Variants in IFTAP observed in about 807,000 individuals in gnomAD.
IFTAP encodes intraflagellar transport associated protein, also known as intraflagellar transport-associated protein.
In IFTAP, 19 loss-of-function variants were observed where a neutral mutation model predicts 19.4. The observed-to-expected ratio is 0.98, with a 90% confidence interval of 0.68 to 1.44. The LOEUF (loss-of-function observed/expected upper bound fraction) is 1.44, where lower values mean the gene tolerates loss of function less well. IFTAP is among the 40% of genes most tolerant of loss of function. IFTAP has a pLI of 0.00. For synonymous variants in IFTAP, 85 were observed against 83.5 expected (o/e 1.02, Z -0.10); for missense variants, 240 against 253.6 (o/e 0.95, Z 0.36).
At chr11:36,619,466 A>G (rs985138290) in intron 2 of IFTAP, among the ~76,000 whole-genome samples, 3 of 152,072 alleles carry the variant, frequency 2.0e-5, no homozygotes, top group African/African-American at 7.2e-5. Context: ...AGAGAAAAAT[A>G]TAGAAAGCAG....
chr11:36,644,732 A>C (rs1165863423), intron 4 of IFTAP, among the ~76,000 whole-genome samples: 1 of 151,860 alleles, frequency 6.6e-6, no homozygotes, highest in East Asian at 1.9e-4. Flanking sequence ...CATCATTCTC[A>C]GCAAACTATC....
intron 1 of IFTAP, among the ~76,000 whole-genome samples, chr11:36,602,841 A>C (rs995141354): frequency 2.6e-5 from 4 of 151,136 alleles, no homozygotes; most frequent in African/African-American, 7.3e-5. Flanking sequence ...TAAAAAAAAA[A>C]CAAGCAAAAA....
chr11:36,610,731 G>C (rs2133378515), intron 2 of IFTAP, among the ~76,000 whole-genome samples: 1 of 152,202 alleles, frequency 6.6e-6, no homozygotes, highest in South Asian at 2.1e-4. Flanking sequence ...AACGTTAATT[G>C]AGATAATCCA....
At chr11:36,636,863 G>C (rs2133467964) in intron 4 of IFTAP, among the ~76,000 whole-genome samples, 1 of 151,572 alleles carries the variant, frequency 6.6e-6, no homozygotes, top group East Asian at 1.9e-4. Flanking sequence ...AACATTTCTG[G>C]ATAGGCATAG....
At chr11:36,647,281 G>T (rs1051506370) in intron 4 of IFTAP, among the ~76,000 whole-genome samples, 34 of 152,060 alleles carry the variant, frequency 2.2e-4, no homozygotes, top group Non-Finnish European at 1.9e-4. Flanking sequence ...AACCTGTTCT[G>T]CTTCTAATTG....
At chr11:36,630,857 C>T (rs1438577797) in intron 2 of IFTAP, among the ~76,000 whole-genome samples, 2 of 151,336 alleles carry the variant, frequency 1.3e-5, no homozygotes, top group African/African-American at 2.5e-5. Flanking sequence ...TGAGGCATGG[C>T]AGTAGCCACA....
At chr11:36,652,081 C>A (rs928611976) in intron 5 of IFTAP, among the ~76,000 whole-genome samples, 2 of 152,036 alleles carry the variant, frequency 1.3e-5, no homozygotes. Context: ...TTTTCCAATT[C>A]TGTGAAGAAA....
intron 2 of IFTAP, 70 bp from the exon 3 acceptor site, chr11:36,633,214 C>G: frequency 1.5e-6 from 2 of 1,301,368 alleles, no homozygotes; most frequent in Non-Finnish European, 2.0e-6. Flanking sequence ...GAAACTTTCT[C>G]AATATACACA....
At chr11:36,633,922 T>C (rs1852829552) in intron 3 of IFTAP, among the ~76,000 whole-genome samples, 1 of 152,164 alleles carries the variant, frequency 6.6e-6, no homozygotes, top group Non-Finnish European at 1.5e-5. Flanking sequence ...TCCTCAGCTA[T>C]GATTTTTAAT....
intron 1 of IFTAP, chr11:36,595,322 C>T (rs1652094821): frequency 6.6e-6 from 1 of 152,122 alleles, no homozygotes; most frequent in Admixed American, 6.5e-5. Flanking sequence ...TTCAGAATTT[C>T]ATACTTGTGT....
intron 5 of IFTAP, among the ~76,000 whole-genome samples, chr11:36,650,354 A>G (rs1169734421): frequency 1.3e-5 from 2 of 151,954 alleles, no homozygotes; most frequent in Non-Finnish European, 2.9e-5. Context: ...GACCAACTCA[A>G]TGTTTTACCT....
intron 4 of IFTAP, among the ~76,000 whole-genome samples, chr11:36,639,596 G>C (rs1466528893): frequency 3.3e-5 from 5 of 152,112 alleles, no homozygotes; most frequent in Admixed American, 1.3e-4. Context: ...GACGAGAGAG[G>C]AACCGAGAGA....
At chr11:36,610,059 C>T (rs771456163) in intron 1 of IFTAP, 22 bp from the exon 2 acceptor site, 1 of 1,600,292 alleles carries the variant, frequency 6.2e-7, no homozygotes, top group Admixed American at 1.7e-5. Context: ...TTCTCTCTAG[C>T]TGGTATTTTT....
rs535648058 is a variant in IFTAP at position 36,656,343 on chromosome 11, G to A, written c.499-2676G>A. On this transcript the variant is annotated intron_variant, in intron 5 of 5. Transcript: ENST00000334307. Reference sequence around the variant, plus strand: ...CCAGCACTCTGGGAGGCTGCAGTGGGTGGATCACTTGAGGCCAGGAGTTTG... The same window carrying A: ...CCAGCACTCTGGGAGGCTGCAGTGGATGGATCACTTGAGGCCAGGAGTTTG... Among the ~76,000 whole-genome samples, 18 of 152,236 alleles carry A rather than the reference G, an allele frequency of 1.2e-4. No individual in the cohort carries two copies. The East Asian group carries it at 2.9e-3, about 25-fold the overall frequency.
At chr11:36,642,783 A>C (rs1315046614) in intron 4 of IFTAP, among the ~76,000 whole-genome samples, 1 of 152,218 alleles carries the variant, frequency 6.6e-6, no homozygotes, top group Non-Finnish European at 1.5e-5. Flanking sequence ...TAGATGCAGA[A>C]AAGGCCTTTG....
intron 5 of IFTAP, among the ~76,000 whole-genome samples, chr11:36,651,585 G>T (rs200247247): frequency 3.3e-5 from 5 of 151,948 alleles, no homozygotes; most frequent in South Asian, 2.1e-4. Flanking sequence ...TTTTGGCTTT[G>T]GTTGCCATTG....
chr11:36,632,222 G>T (rs951790708), intron 2 of IFTAP, among the ~76,000 whole-genome samples: 1 of 151,068 alleles, frequency 6.6e-6, no homozygotes, highest in African/African-American at 2.5e-5. Context: ...TTCATGAGAT[G>T]CTCACAAAAG....
At chr11:36,644,565 C>T (rs1482184913) in intron 4 of IFTAP, among the ~76,000 whole-genome samples, 2 of 152,072 alleles carry the variant, frequency 1.3e-5, no homozygotes, top group African/African-American at 4.8e-5. Flanking sequence ...TTCATTGTGG[C>T]ACTATTCACA....
At chr11:36,633,232 C>A in intron 2 of IFTAP, 52 bp from the exon 3 acceptor site, 1 of 1,378,520 alleles carries the variant, frequency 7.3e-7, no homozygotes, top group Non-Finnish European at 9.5e-7. Context: ...ACAAAATAAA[C>A]CAGACTTGGT....
Sources: gnomAD v4.1 joint callset for allele counts (sites outside exome capture counted in the v4.1 genomes callset) on GRCh38, gnomAD v4.1.1 for gene constraint, MANE v1.5 for transcripts, NCBI Gene and HGNC (gene_info 2026-07-23, HGNC 2026-07-21) for gene names.